UTS2R: variants seen among roughly 807,000 people sequenced by gnomAD.
UTS2R encodes the protein urotensin-2 receptor.
For synonymous variants in UTS2R, 335 were observed against 280.9 expected (o/e 1.19, Z -1.93); for missense variants, 653 against 562.2 (o/e 1.16, Z -1.63).
In UTS2R at chr17:82,375,423, ACT is replaced by A. The variant is rs768875266; in HGVS notation, c.1100_1101del (p.Thr367ArgfsTer75). Reference sequence around the variant, plus strand: ...CCTGTCTTCCTGCAGCCCACAGCCCACTGACAGCCTCGTGCTGGCCCCAGCGG... The same window carrying A: ...CCTGTCTTCCTGCAGCCCACAGCCCAGACAGCCTCGTGCTGGCCCCAGCGG... Reference protein sequence around the residue: ...RSLSSCSPQPTDSLVLAPAAP... With the variant: ...RSLSSCSPQPXDSLVLAPAAP... On this transcript the variant is annotated frameshift_variant, in exon 3 of 3. Transcript: ENST00000313135. LOFTEE classifies it low-confidence loss of function (END_TRUNC). 672 of 1,571,986 alleles carry A rather than the reference ACT, an allele frequency of 4.3e-4. No homozygotes were observed. The highest frequency in any genetic ancestry group is 5.5e-4 in the Non-Finnish European group (646 of 1,168,558).
chr17:82,374,700 C>G lies in UTS2R; in HGVS notation c.376C>G (p.Leu126Val), dbSNP rs199979658. The G allele has an allele frequency of 6.2e-7, 1 of 1,613,200 alleles. No individual in the cohort carries two copies. The highest frequency in any genetic ancestry group is 8.5e-7 in the Non-Finnish European group (1 of 1,179,938). ...WHFGDVGCRV[L>V]FGLDFLTMHA... ...CTTCGGGGACGTGGGCTGCCGCGTG[C>G]TCTTCGGCCTGGACTTCCTGACCAT... The change falls in exon 3 of 3, where the codon CTC becomes GTC. Residue 126 changes from leucine (L) to valine (V), a missense_variant. Coordinates refer to ENST00000313135, the MANE Select transcript of UTS2R (RefSeq NM_018949.3).
rs951001968 is a variant in UTS2R, at chr17:82,376,421, GCCTCC to G, written c.*935_*939del. Among the ~76,000 whole-genome samples the G allele has an allele frequency of 1.1e-4, 16 of 151,622 alleles. No individual in the cohort carries two copies. The highest frequency in any genetic ancestry group is 3.9e-4 in the African/African-American group (16 of 41,252). On this transcript the variant is annotated 3_prime_UTR_variant, in exon 3 of 3. Coordinates refer to ENST00000313135, the MANE Select transcript of UTS2R (RefSeq NM_018949.3). Reference sequence around the variant, plus strand: ...ACCCTGCATGGCCTCCCCCAGCCTGGCCTCCCCTCCCCACCCCATGGCCATGCCCA... The same window carrying G: ...ACCCTGCATGGCCTCCCCCAGCCTGGCCTCCCCACCCCATGGCCATGCCCA...
intron 2 of UTS2R, among the ~76,000 whole-genome samples, chr17:82,373,673 C>T (rs528549810): frequency 5.1e-4 from 78 of 152,338 alleles, no homozygotes; most frequent in African/African-American, 1.9e-3. Context: ...CACACTTAGG[C>T]CTGCAATCCA....
chr17:82,374,590 A>G lies in UTS2R; in HGVS notation c.266A>G (p.Tyr89Cys). The G allele has an allele frequency of 6.2e-6, 10 of 1,606,504 alleles. No individual in the cohort carries two copies. Among genetic ancestry groups the G allele is most frequent in the Non-Finnish European group, 8.5e-6 (10 of 1,176,940 alleles). ...SLRAVASMYV[Y>C]VVNLALADLL... ...CGTGCGGTGGCCTCCATGTACGTCT[A>G]CGTGGTCAACCTGGCGCTGGCCGAC... Residue 89 changes from tyrosine to cysteine, a missense_variant, in exon 3 of 3, where the codon TAC becomes TGC. Transcript: ENST00000313135.
At position 82,374,924 on chromosome 17, in the gene UTS2R, G is replaced by A. The variant is rs772755144; in HGVS notation, c.600G>A (p.Leu200=). The A allele has an allele frequency of 1.8e-6, 2 of 1,124,412 alleles. No individual in the cohort carries two copies. The highest frequency in any genetic ancestry group is 2.0e-5 in the Admixed American group (1 of 49,816). The allele number at this position is 1,124,412 out of a possible 1,614,324, so 69.7% of individuals were successfully genotyped here. ...GCCGGGGTCCCAAGAGCCTGTGCCT[G>A]CCCGCCTGGGGCCCGCGCGCCCACC... is the stretch of plus-strand genomic sequence containing the variant. ...LVRRGPKSLC[L]PAWGPRAHRA... Residue 200 remains leucine (L), a synonymous_variant, in exon 3 of 3, where the codon CTG becomes CTA. Coordinates refer to ENST00000313135, the MANE Select transcript of UTS2R (RefSeq NM_018949.3).
rs548411399 is a variant in UTS2R at position 82,375,312 on chromosome 17, G to A, written c.988G>A (p.Val330Met). 1.9e-6 allele frequency: 3 copies of A among 1,546,690 alleles called. No homozygotes were observed. The highest frequency in any genetic ancestry group is 1.9e-5 in the Admixed American group (1 of 51,336). ...CTACCGCGACCACCTGCGCGGCCGC[G>A]TGCGGGGCCCGGGCAGCGGGGGAGG... is the stretch of plus-strand genomic sequence containing the variant. ...RNYRDHLRGRVRGPGSGGGRG... is the reference protein window; with the variant it reads ...RNYRDHLRGRMRGPGSGGGRG... The change falls in exon 3 of 3, where the codon GTG becomes ATG. Residue 330 changes from valine to methionine, a missense_variant. By Grantham distance (21) the Val-to-Met change is conservative. Transcript: ENST00000313135.
Position 82,374,694 on chromosome 17 carries a change from C to T in UTS2R, c.370C>T (p.Arg124Cys). 3 of 1,613,366 alleles carry T rather than the reference C, an allele frequency of 1.9e-6. No individual in the cohort carries two copies. Among genetic ancestry groups the T allele is most frequent in the Non-Finnish European group, 2.5e-6 (3 of 1,179,944 alleles). Reference sequence around the variant, plus strand: ...GTGGCACTTCGGGGACGTGGGCTGCCGCGTGCTCTTCGGCCTGGACTTCCT... The same window carrying T: ...GTGGCACTTCGGGGACGTGGGCTGCTGCGTGCTCTTCGGCCTGGACTTCCT... The part of the protein sequence containing the change: ...KEWHFGDVGC[R>C]VLFGLDFLTM... Residue 124 changes from arginine (R) to cysteine (C), a missense_variant, in exon 3 of 3, where the codon CGC becomes TGC. Transcript: ENST00000313135.
chr17:82,376,060 C>T lies in UTS2R; in HGVS notation c.*566C>T, dbSNP rs1357373316. 6.6e-6 allele frequency among the ~76,000 whole-genome samples: 1 copy of T among 152,188 alleles called. No individual in the cohort carries two copies. The highest frequency in any genetic ancestry group is 1.5e-5 in the Non-Finnish European group (1 of 68,032). On this transcript the variant is annotated 3_prime_UTR_variant, in exon 3 of 3. Transcript: ENST00000313135. ...AGGCCTGTGCAGGCGGCTGGTCTGG[C>T]ACCTGATGTGGGGCAGGGAAGGTGG...
chr17:82,372,169 G>T (rs1168145226), intron 1 of UTS2R, among the ~76,000 whole-genome samples, 122 bp downstream of exon 1: 1 of 152,180 alleles, frequency 6.6e-6, no homozygotes, highest in African/African-American at 2.4e-5. Flanking sequence ...GGGGAGCGGG[G>T]TCCAGCGAGG....
At position 82,374,266 on chromosome 17, in the gene UTS2R, C is replaced by A; in HGVS notation, c.-59C>A. ...AGGCTGAGCTGGTTGCCCACAGGGG[C>A]CCCCGCCCCATCTCAGGGAGTGTCC... On this transcript the variant is annotated 5_prime_UTR_variant, in exon 3 of 3. Coordinates refer to ENST00000313135, the MANE Select transcript of UTS2R (RefSeq NM_018949.3). 1.4e-6 allele frequency: 2 copies of A among 1,389,772 alleles called. No homozygotes were observed. Among genetic ancestry groups the A allele is most frequent in the Non-Finnish European group, 1.9e-6 (2 of 1,048,422 alleles). 86.1% of individuals were successfully genotyped at this position (1,389,772 alleles called of 1,614,324 possible).
Position 82,375,372 on chromosome 17 carries a change from C to G in UTS2R, c.1048C>G (p.Arg350Gly), listed in dbSNP as rs754369727. 5.7e-6 allele frequency: 9 copies of G among 1,576,546 alleles called. No homozygotes were observed. Among genetic ancestry groups the G allele is most frequent in the African/African-American group, 1.4e-5 (1 of 71,326 alleles). ...CGTTCCCTCCCTGCAGCCCCGCGCC[C>G]GCTTCCAGCGCTGTTCGGGCCGCTC... is the stretch of plus-strand genomic sequence containing the variant. ...GPVPSLQPRA[R>G]FQRCSGRSLS... The change falls in exon 3 of 3, where the codon CGC (arginine) becomes GGC (glycine). Residue 350 changes from arginine (R) to glycine (G), a missense_variant. Arg to Gly is a moderately radical substitution (Grantham distance 125, BLOSUM62 -2). Transcript: ENST00000313135.
chr17:82,374,819 C>A lies in UTS2R; in HGVS notation c.495C>A (p.Tyr165Ter). Residue 165 changes from tyrosine to a stop codon, truncating the protein, a stop_gained, in exon 3 of 3, where the codon TAC becomes TAA. Transcript: ENST00000313135. LOFTEE classifies it low-confidence loss of function (END_TRUNC). ...PLDTVQRPKG[Y>*]RKLLALGTWL... ...ACACCGTGCAGCGCCCCAAGGGCTA[C>A]CGCAAGCTGCTGGCGCTGGGCACCT... 6.5e-7 allele frequency: 1 copy of A among 1,533,684 alleles called. No individual in the cohort carries two copies. The highest frequency in any genetic ancestry group is 8.9e-7 in the Non-Finnish European group (1 of 1,129,408).
At chr17:82,374,068 G>A (rs1261410096) in intron 2 of UTS2R, among the ~76,000 whole-genome samples, 175 bp from the exon 3 acceptor site, 3 of 152,102 alleles carry the variant, frequency 2.0e-5, no homozygotes, top group African/African-American at 7.2e-5. Context: ...GTCGGGGAGG[G>A]GGGTTGGGGC....
Position 82,375,470 on chromosome 17 carries a change from C to T in UTS2R, c.1146C>T (p.Pro382=), listed in dbSNP as rs568196624. Residue 382 remains proline, a synonymous_variant, in exon 3 of 3, where the codon CCC becomes CCT. Coordinates refer to ENST00000313135, the MANE Select transcript of UTS2R (RefSeq NM_018949.3). ...CAGCGGCCCCGGCCCGACCTGCGCC[C>T]GAGGGTCCCAGGGCCCCGGCGTGAG... The part of the protein sequence containing the change: ...LAPAAPARPA[P]EGPRAPA 2 of 1,478,832 alleles carry T rather than the reference C, an allele frequency of 1.4e-6. No homozygotes were observed. The highest frequency in any genetic ancestry group is 9.0e-7 in the Non-Finnish European group (1 of 1,108,412). The allele number at this position is 1,478,832 out of a possible 1,614,324, so 91.6% of individuals were successfully genotyped here. A position where few individuals can be genotyped will look rare whatever the true frequency, so the allele number is the denominator to read the frequency against.
rs367723035 is a variant in UTS2R at position 82,375,330 on chromosome 17, G to A, written c.1006G>A (p.Gly336Arg). 170 of 1,550,268 alleles carry A rather than the reference G, an allele frequency of 1.1e-4. No homozygotes were observed. The highest frequency in any genetic ancestry group is 1.4e-4 in the Non-Finnish European group (156 of 1,150,008). ...LRGRVRGPGS[G>R]GGRGPVPSLQ... is the part of the protein sequence containing the mutation. ...CGGCCGCGTGCGGGGCCCGGGCAGCGGGGGAGGCCGGGGGCCCGTTCCCTC... is the reference window on the plus strand; with the variant it reads ...CGGCCGCGTGCGGGGCCCGGGCAGCAGGGGAGGCCGGGGGCCCGTTCCCTC... The change falls in exon 3 of 3, where the codon GGG becomes AGG. Residue 336 changes from glycine (G) to arginine (R), a missense_variant. Gly to Arg is a moderately radical substitution (Grantham distance 125, BLOSUM62 -2). Transcript: ENST00000313135.
In UTS2R at chr17:82,374,845, G is replaced by GGCTGCTGGCGCT; in HGVS notation, c.529_540dup (p.Ala177_Leu180dup). The GGCTGCTGGCGCT allele has an allele frequency of 7.0e-7, 1 of 1,419,880 alleles. No homozygotes were observed. The highest frequency in any genetic ancestry group is 1.4e-5 in the African/African-American group (1 of 71,618). 88.0% of individuals were successfully genotyped at this position (1,419,880 alleles called of 1,614,324 possible). On this transcript the variant is annotated inframe_insertion, in exon 3 of 3. Transcript: ENST00000313135. ...CGCAAGCTGCTGGCGCTGGGCACCTGGCTGCTGGCGCTGCTGCTGACGCTG... is the reference window on the plus strand; with the variant it reads ...CGCAAGCTGCTGGCGCTGGGCACCTGGCTGCTGGCGCTGCTGCTGGCGCTGCTGCTGACGCTG...
chr17:82,374,630 C>T lies in UTS2R; in HGVS notation c.306C>T (p.Leu102=), dbSNP rs2052475593. Reference sequence around the variant, plus strand: ...CGCTGGCCGACCTGCTGTACCTGCTCAGCATCCCCTTCATCGTGGCCACCT... The same window carrying T: ...CGCTGGCCGACCTGCTGTACCTGCTTAGCATCCCCTTCATCGTGGCCACCT... ...NLALADLLYL[L]SIPFIVATYV... is the part of the protein sequence containing the mutation. Residue 102 remains leucine, a synonymous_variant, in exon 3 of 3, where the codon CTC becomes CTT. Transcript: ENST00000313135. 1 of 1,612,876 alleles carries T rather than the reference C, an allele frequency of 6.2e-7. No homozygotes were observed. Among genetic ancestry groups the T allele is most frequent in the Non-Finnish European group, 8.5e-7 (1 of 1,179,718 alleles).
Position 82,374,389 on chromosome 17 carries a change from C to G in UTS2R, c.65C>G (p.Pro22Arg). The G allele has an allele frequency of 6.3e-7, 1 of 1,590,140 alleles. No homozygotes were observed. Among genetic ancestry groups the G allele is most frequent in the Non-Finnish European group, 8.5e-7 (1 of 1,174,466 alleles). ...PGLAATGSSV[P>R]EPPGGPNATL... ...CTGGCCGCCACTGGCAGCTCTGTGC[C>G]GGAGCCGCCTGGCGGCCCCAACGCA... Residue 22 changes from proline (P) to arginine (R), a missense_variant, in exon 3 of 3, where the codon CCG (proline) becomes CGG (arginine). By Grantham distance (103) the Pro-to-Arg change is moderately radical. Coordinates refer to ENST00000313135, the MANE Select transcript of UTS2R (RefSeq NM_018949.3).
rs200447131 is a variant in UTS2R at position 82,374,606 on chromosome 17, G to C, written c.282G>C (p.Ala94=). ...TGTACGTCTACGTGGTCAACCTGGCGCTGGCCGACCTGCTGTACCTGCTCA... is the reference window on the plus strand; with the variant it reads ...TGTACGTCTACGTGGTCAACCTGGCCCTGGCCGACCTGCTGTACCTGCTCA... ...ASMYVYVVNL[A]LADLLYLLSI... Residue 94 remains alanine (A), a synonymous_variant, in exon 3 of 3, where the codon GCG becomes GCC. Transcript: ENST00000313135. The C allele has an allele frequency of 6.2e-7, 1 of 1,609,906 alleles. No individual in the cohort carries two copies. The highest frequency in any genetic ancestry group is 1.1e-5 in the South Asian group (1 of 90,372).
Sources: allele counts gnomAD v4.1 joint callset (sites outside exome capture counted in the v4.1 genomes callset), GRCh38; gene constraint gnomAD v4.1.1; transcripts MANE v1.5; gene names NCBI Gene and HGNC (gene_info 2026-07-23, HGNC 2026-07-21).